Variants in PLD1 observed in about 807,000 individuals in gnomAD.
PLD1 encodes choline phosphatase 1.
PLD1 carries 112 observed loss-of-function variants against 137.1 expected under a neutral mutation model. The observed-to-expected ratio is 0.82, with a 90% CI of 0.70 to 0.96. The LOEUF is 0.96. Among genes scored for constraint, PLD1 ranks in the 40% least tolerant of loss-of-function variants. The probability of loss-of-function intolerance (pLI) is 0.00; values close to 1 mark genes in which losing one functional copy is unlikely to be tolerated. For missense variants in PLD1, 1,321 were observed against 1,342.0 expected, an observed-to-expected ratio of 0.98 and a Z score of 0.24; for synonymous variants, 431 against 454.7, an observed-to-expected ratio of 0.95 and a Z score of 0.66.
chr3:171,630,876 A>T (rs1217185618), intron 23 of PLD1, among the ~76,000 whole-genome samples: 2 of 63,712 alleles, frequency 3.1e-5, no homozygotes, highest in Non-Finnish European at 5.8e-5. Flanking sequence ...GGGTGGGGGG[A>T]GGGGGGAGGG....
At chr3:171,680,529 C>T (rs890734078) in intron 16 of PLD1, among the ~76,000 whole-genome samples, 2 of 152,080 alleles carry the variant, frequency 1.3e-5, no homozygotes, top group Non-Finnish European at 2.9e-5. Context: ...CCACCACACC[C>T]GGCCTCTCCT....
intron 4 of PLD1, 144 bp downstream of exon 4, chr3:171,735,348 C>G (rs1254091300): frequency 1.4e-6 from 1 of 703,844 alleles, no homozygotes; most frequent in East Asian, 2.5e-5. Flanking sequence ...GTTACACAGG[C>G]TAGTCTCAAA....
At chr3:171,809,448 AGAGGCCTTTG>A (rs2108365123) in intron 1 of PLD1, 1 of 152,368 alleles carries the variant, frequency 6.6e-6, no homozygotes, top group East Asian at 1.9e-4. Flanking sequence ...CTAGTCTCTC[AGAGGCCTTTG>A]GAGGCCCACG....
chr3:171,666,310 G>C (rs985937381), intron 19 of PLD1: 6 of 152,602 alleles, frequency 3.9e-5, no homozygotes, highest in South Asian at 2.1e-4. Flanking sequence ...CAAAGGAAGA[G>C]AAAAGGGACA....
intron 1 of PLD1, among the ~76,000 whole-genome samples, chr3:171,804,431 A>G (rs1723765056): frequency 1.3e-5 from 2 of 152,380 alleles, no homozygotes; most frequent in Non-Finnish European, 1.5e-5. Context: ...TATTTTGAAT[A>G]AAATGGATTA....
At chr3:171,805,657 T>C (rs149027476) in intron 1 of PLD1, among the ~76,000 whole-genome samples, 199 of 152,280 alleles carry the variant, frequency 1.3e-3, no homozygotes, top group African/African-American at 4.6e-3. Flanking sequence ...CTTGAACAGA[T>C]TGTCTGAGTT....
intron 1 of PLD1, among the ~76,000 whole-genome samples, chr3:171,779,592 C>T (rs1578463500): frequency 2.0e-5 from 3 of 152,264 alleles, no homozygotes; most frequent in East Asian, 1.9e-4. Flanking sequence ...GGCTTGGATA[C>T]ATAAGTCCAA....
At chr3:171,804,071 T>G (rs1185612444) in intron 1 of PLD1, among the ~76,000 whole-genome samples, 1 of 152,196 alleles carries the variant, frequency 6.6e-6, no homozygotes, top group Non-Finnish European at 1.5e-5. Flanking sequence ...AACATCATCT[T>G]CATTTTTTTT....
At chr3:171,763,071 T>C (rs938903106) in intron 1 of PLD1, among the ~76,000 whole-genome samples, 2 of 152,120 alleles carry the variant, frequency 1.3e-5, no homozygotes, top group African/African-American at 4.8e-5. Flanking sequence ...ACTCTCACAC[T>C]CTGAGTTCCA....
intron 1 of PLD1, among the ~76,000 whole-genome samples, chr3:171,777,763 C>T (rs1027169133): frequency 2.0e-5 from 3 of 152,162 alleles, no homozygotes; most frequent in Non-Finnish European, 4.4e-5. Context: ...AACCCATGTC[C>T]TCTACAAAGC....
intron 11 of PLD1, among the ~76,000 whole-genome samples, chr3:171,700,359 C>T (rs1322514609): frequency 1.3e-5 from 2 of 149,814 alleles, no homozygotes; most frequent in African/African-American, 5.0e-5. Context: ...CTCCCTCTCC[C>T]TCTCTTTCGC....
intron 1 of PLD1, among the ~76,000 whole-genome samples, chr3:171,754,045 C>G (rs764002447): frequency 2.6e-5 from 4 of 152,186 alleles, no homozygotes; most frequent in African/African-American, 4.8e-5. Context: ...AAAGCCTCCC[C>G]TGACAGCCCA....
chr3:171,755,119 T>C (rs1720929629), intron 1 of PLD1, among the ~76,000 whole-genome samples: 1 of 152,144 alleles, frequency 6.6e-6, no homozygotes, highest in Non-Finnish European at 1.5e-5. Context: ...TCTGCCTTCT[T>C]GGCACTTACC....
chr3:171,759,362 A>G (rs542127741), intron 1 of PLD1, among the ~76,000 whole-genome samples: 96 of 152,336 alleles, frequency 6.3e-4, no homozygotes, highest in African/African-American at 2.3e-3. Flanking sequence ...GATACTGAAG[A>G]TACTAATTAC....
rs1434198962 is a variant in PLD1, at chr3:171,690,488, T to C, written c.1339-1612A>G. Among the ~76,000 whole-genome samples the C allele has an allele frequency of 2.0e-5, 3 of 152,192 alleles. No homozygotes were observed. In the East Asian group the frequency reaches 5.8e-4, roughly 29 times the overall value. ...TTTCTTCTTCTTGCAAGTATAGCTG[T>C]AAATTTCCCCCTTTGCACTGCTTTC... On this transcript the variant is annotated intron_variant, in intron 13 of 26. Transcript: ENST00000351298.
chr3:171,614,661 G>A (rs1732945299), intron 24 of PLD1, among the ~76,000 whole-genome samples: 1 of 152,210 alleles, frequency 6.6e-6, no homozygotes, highest in African/African-American at 2.4e-5. Flanking sequence ...TGAACTGTAG[G>A]AGCTCAAAGA....
chr3:171,717,479 G>A (rs1260244924), intron 8 of PLD1, among the ~76,000 whole-genome samples: 1 of 152,032 alleles, frequency 6.6e-6, no homozygotes, highest in African/African-American at 2.4e-5. Context: ...TTGTGAATGG[G>A]GTTGCCTCCC....
intron 1 of PLD1, among the ~76,000 whole-genome samples, chr3:171,760,331 A>G (rs1224856241): frequency 2.0e-5 from 3 of 152,200 alleles, no homozygotes; most frequent in Admixed American, 2.0e-4. Flanking sequence ...GCCTTCATCT[A>G]GTGATAACTA....
chr3:171,635,965 C>CTTTTTTTTTTTTTTTTTTTTTTTTT lies in PLD1; in HGVS notation c.2593+6850_2593+6874dup, dbSNP rs71178231. 1.4e-3 allele frequency among the ~76,000 whole-genome samples: 68 copies of CTTTTTTTTTTTTTTTTTTTTTTTTT among 49,280 alleles called. 5 individuals carry two copies. The highest frequency in any genetic ancestry group is 2.3e-3 in the Admixed American group (9 of 3,850). The allele number at this position is 49,280 out of a possible 152,430, so 32.3% of individuals were successfully genotyped here. On this transcript the variant is annotated intron_variant, in intron 23 of 26. Coordinates refer to ENST00000351298, the MANE Select transcript of PLD1 (RefSeq NM_002662.5). The stretch of plus-strand genomic sequence containing the variant: ...ATGGTATGAGGTAGGGGTTCAACTT[C>CTTTTTTTTTTTTTTTTTTTTTTTTT]TTTTTTTTTTTTTTTTTTTTTTTTT...
Sources: allele counts gnomAD v4.1 joint callset (sites outside exome capture counted in the v4.1 genomes callset), GRCh38; gene constraint gnomAD v4.1.1; transcripts MANE v1.5; gene names NCBI Gene and HGNC (gene_info 2026-07-23, HGNC 2026-07-21).